Variants in LRBA observed in about 807,000 individuals in gnomAD.
The protein encoded by LRBA is LPS responsive beige-like anchor protein.
LRBA carries 176 observed loss-of-function variants against 330.0 expected under a neutral mutation model. The observed-to-expected ratio is 0.53, with a 90% confidence interval of 0.47 to 0.60. The LOEUF (loss-of-function observed/expected upper bound fraction) is 0.60. Among genes scored for constraint, LRBA ranks in the 20% least tolerant of loss-of-function variants. The pLI is 0.00. For synonymous variants in LRBA, 1,230 were observed against 1,193.0 expected, an observed-to-expected ratio of 1.03 and a Z score of -0.64; for missense variants, 3,259 against 3,444.8, an observed-to-expected ratio of 0.95 and a Z score of 1.35.
intron 53 of LRBA, among the ~76,000 whole-genome samples, chr4:150,291,921 T>C (rs539985506): frequency 1.3e-5 from 2 of 152,276 alleles, no homozygotes; most frequent in South Asian, 4.1e-4. Flanking sequence ...ATGTCCTTTG[T>C]AGGGACATGG....
Position 150,852,366 on chromosome 4 carries a change from A to C in LRBA, c.3344T>G (p.Val1115Gly). ...EEDDDYVELKVEGSPTEEANL... is the reference protein window; with the variant it reads ...EEDDDYVELKGEGSPTEEANL... ...AGCTTCCTCAGTAGGACTGCCTTCTACTTTCAGTTCCACATAATCATCATC... is the reference window on the plus strand; with the variant it reads ...AGCTTCCTCAGTAGGACTGCCTTCTCCTTTCAGTTCCACATAATCATCATC... The change falls in exon 23 of 57, where the codon GTA (valine) becomes GGA (glycine). Residue 1115 changes from valine to glycine, a missense_variant. Coordinates refer to ENST00000651943, the MANE Select transcript of LRBA (RefSeq NM_001364905.1). 2 of 1,613,750 alleles carry C rather than the reference A, an allele frequency of 1.2e-6. No homozygotes were observed.
intron 11 of LRBA, among the ~76,000 whole-genome samples, chr4:150,907,748 C>T (rs1280402812): frequency 6.6e-6 from 1 of 152,076 alleles, no homozygotes; most frequent in Non-Finnish European, 1.5e-5. Context: ...ATTGAGACTC[C>T]TTTCCTACAT....
chr4:150,764,165 G>A (rs905315560), intron 34 of LRBA, among the ~76,000 whole-genome samples: 3 of 151,896 alleles, frequency 2.0e-5, no homozygotes, highest in Non-Finnish European at 4.4e-5. Context: ...TAGAAAAAAA[G>A]AAGTCAGTAA....
intron 34 of LRBA, among the ~76,000 whole-genome samples, chr4:150,765,446 T>C (rs1007282263): frequency 6.6e-5 from 10 of 152,140 alleles, no homozygotes; most frequent in African/African-American, 2.4e-4. Context: ...TCATGCATTA[T>C]AACACACATG....
At chr4:150,986,918 T>TTC in intron 2 of LRBA, among the ~76,000 whole-genome samples, 2 of 152,204 alleles carry the variant, frequency 1.3e-5, no homozygotes. Context: ...AACTTCCACC[T>TTC]TCTGCTAAAG....
chr4:150,709,920 T>A (rs1786011203), intron 36 of LRBA, among the ~76,000 whole-genome samples: 1 of 151,830 alleles, frequency 6.6e-6, no homozygotes, highest in Non-Finnish European at 1.5e-5. Flanking sequence ...GTATTGTGAC[T>A]AGGAGCAAAG....
At chr4:150,629,338 T>C (rs1355928456) in intron 37 of LRBA, among the ~76,000 whole-genome samples, 3 of 152,152 alleles carry the variant, frequency 2.0e-5, no homozygotes, top group Non-Finnish European at 2.9e-5. Context: ...ATAAAATAGC[T>C]CCTTTTTTTA....
chr4:150,596,410 T>C (rs186769316), intron 38 of LRBA, among the ~76,000 whole-genome samples: 27 of 152,048 alleles, frequency 1.8e-4, no homozygotes, highest in Non-Finnish European at 2.8e-4. Flanking sequence ...TATTTAGATG[T>C]CTTCCTTTGA....
chr4:150,892,423 G>A (rs1729565245), intron 17 of LRBA, among the ~76,000 whole-genome samples: 1 of 152,182 alleles, frequency 6.6e-6, no homozygotes, highest in African/African-American at 2.4e-5. Context: ...ATTGTAAGAA[G>A]AGACACGAGA....
chr4:150,583,655 A>G lies in LRBA; in HGVS notation c.6330+4393T>C. On this transcript the variant is annotated intron_variant, in intron 40 of 56. Transcript: ENST00000651943. The surrounding 1 kb of genome is among the most constrained non-coding windows in gnomAD (Gnocchi z 9.8). Reference sequence around the variant, plus strand: ...GCCGAGGTCAAGGCCGAAGGGTTCAACTTGCTCTCGAAGGAGTGCTACTCG... The same window carrying G: ...GCCGAGGTCAAGGCCGAAGGGTTCAGCTTGCTCTCGAAGGAGTGCTACTCG... 6.2e-7 allele frequency: 1 copy of G among 1,613,992 alleles called. No individual in the cohort carries two copies. The highest frequency in any genetic ancestry group is 8.5e-7 in the Non-Finnish European group (1 of 1,180,008).
At chr4:150,902,489 G>A (rs1730849122) in intron 13 of LRBA, among the ~76,000 whole-genome samples, 1 of 152,088 alleles carries the variant, frequency 6.6e-6, no homozygotes, top group Admixed American at 6.6e-5. Flanking sequence ...GCTATGACAG[G>A]AAATATCCTC....
intron 35 of LRBA, among the ~76,000 whole-genome samples, chr4:150,736,723 A>T (rs1468873029): frequency 6.6e-6 from 1 of 152,224 alleles, no homozygotes; most frequent in Non-Finnish European, 1.5e-5. Flanking sequence ...GGGAAAAAAC[A>T]CTGAGCCATA....
intron 44 of LRBA, among the ~76,000 whole-genome samples, chr4:150,439,812 T>G (rs1751586541): frequency 1.3e-5 from 2 of 152,182 alleles, no homozygotes; most frequent in African/African-American, 4.8e-5. Context: ...GACAATGTAT[T>G]GAGCTAATAC....
At chr4:150,622,149 A>G (rs1375209524) in intron 37 of LRBA, among the ~76,000 whole-genome samples, 1 of 152,210 alleles carries the variant, frequency 6.6e-6, no homozygotes, top group Non-Finnish European at 1.5e-5. Context: ...AAAACTCAAT[A>G]CCAAGTTTTA....
rs74479974 is a variant in LRBA at position 150,818,532 on chromosome 4, CTGTGTGTG to C, written c.5172-1283_5172-1276del. ...AAGGGGGAGTAGATATGACGAATGT[CTGTGTGTG>C]TGTGTGTGTGTGTGTGTGTGTGTGC... On this transcript the variant is annotated intron_variant, in intron 30 of 56. Transcript: ENST00000651943. Among the ~76,000 whole-genome samples, 771 of 145,904 alleles carry C rather than the reference CTGTGTGTG, an allele frequency of 5.3e-3. 4 individuals carry two copies. The highest frequency in any genetic ancestry group is 0.019 in the African/African-American group (738 of 39,762).
intron 47 of LRBA, among the ~76,000 whole-genome samples, chr4:150,371,490 C>T (rs1055272511): frequency 2.6e-5 from 4 of 151,892 alleles, no homozygotes; most frequent in African/African-American, 7.3e-5. Flanking sequence ...CGCGCCTGGC[C>T]GCAAGCTACT....
At position 150,557,557 on chromosome 4, in the gene LRBA, T is replaced by TC. The variant is rs1393644448; in HGVS notation, c.6330+30490dup. Among the ~76,000 whole-genome samples, 7 of 151,954 alleles carry TC rather than the reference T, an allele frequency of 4.6e-5. No homozygotes were observed. In the East Asian group the frequency reaches 1.4e-3, roughly 29 times the overall value. ...CCACATTATATTTAGTCTTGATGTC[T>TC]CCTTAGGCTTCTCTGGATTTTAATG... On this transcript the variant is annotated intron_variant, in intron 40 of 56. Transcript: ENST00000651943.
rs1017484011 is a variant in LRBA, at chr4:150,668,372, C to G, written c.5921+15179G>C. On this transcript the variant is annotated intron_variant, in intron 37 of 56. Transcript: ENST00000651943. ...TGGTATCAGAGATCTCACAGTCAGT[C>G]TGAGAATGATGTGGTGTTACCAAAT... 4.6e-5 allele frequency among the ~76,000 whole-genome samples: 7 copies of G among 151,148 alleles called. No homozygotes were observed. The East Asian group carries it at 1.4e-3, about 30-fold the overall frequency.
At chr4:150,463,867 A>T (rs889554923) in intron 44 of LRBA, among the ~76,000 whole-genome samples, 1 of 152,000 alleles carries the variant, frequency 6.6e-6, no homozygotes, top group African/African-American at 2.4e-5. Context: ...TGGTCATTTA[A>T]CATTTTTAGT....
Sources: allele counts gnomAD v4.1 joint callset (sites outside exome capture counted in the v4.1 genomes callset), GRCh38; gene constraint gnomAD v4.1.1; non-coding constraint Gnocchi (gnomAD v3.1); transcripts MANE v1.5; gene names NCBI Gene and HGNC (gene_info 2026-07-23, HGNC 2026-07-21).